The following GATB variants were observed in gnomAD, a reference collection of about 807,000 sequenced individuals.
The protein encoded by GATB is glutamyl-tRNA(Gln) amidotransferase subunit B, mitochondrial.
Under a neutral mutation model 62.3 loss-of-function variants are expected in GATB, and 39 were observed. The observed-to-expected ratio is 0.63, with a 90% CI of 0.48 to 0.82. GATB has a LOEUF of 0.82. Among genes scored for constraint, GATB ranks in the 40% least tolerant of loss-of-function variants. GATB has a pLI of 0.00. For synonymous variants in GATB, 276 were observed against 258.9 expected (o/e 1.07, Z -0.63); for missense variants, 670 against 684.0 (o/e 0.98, Z 0.23).
rs1739398135 is a variant in GATB, at chr4:151,737,427, G to A, written c.328-17889C>T. ...AAAGCATTCAAGAGGTGACTTGGGT[G>A]CTGTTAAAGGCACTCCGTTTTATAA... On this transcript the variant is annotated intron_variant, in intron 2 of 12. Coordinates refer to ENST00000263985, the MANE Select transcript of GATB (RefSeq NM_004564.3). Among the ~76,000 whole-genome samples, 3 of 152,226 alleles carry A rather than the reference G, an allele frequency of 2.0e-5. No homozygotes were observed. The South Asian group carries it at 6.2e-4, about 31-fold the overall frequency.
At chr4:151,726,976 G>GC (rs1739149947) in intron 2 of GATB, among the ~76,000 whole-genome samples, 1 of 152,082 alleles carries the variant, frequency 6.6e-6, no homozygotes, top group Non-Finnish European at 1.5e-5. Flanking sequence ...GAGTGCAGTG[G>GC]CCCGATCACA....
chr4:151,750,978 A>G (rs1453894017), intron 2 of GATB, among the ~76,000 whole-genome samples: 5 of 152,086 alleles, frequency 3.3e-5, no homozygotes, highest in Non-Finnish European at 7.4e-5. Flanking sequence ...CCCACTCCCT[A>G]AAAGCCCTGC....
At chr4:151,733,576 C>T (rs1410221224) in intron 2 of GATB, among the ~76,000 whole-genome samples, 1 of 152,136 alleles carries the variant, frequency 6.6e-6, no homozygotes, top group Non-Finnish European at 1.5e-5. Flanking sequence ...CACTATTCCA[C>T]AAGATAAAGA....
intron 10 of GATB, among the ~76,000 whole-genome samples, chr4:151,685,983 G>A (rs994391091): frequency 5.3e-5 from 8 of 152,192 alleles, no homozygotes; most frequent in African/African-American, 1.7e-4. Flanking sequence ...AAACTGGGAG[G>A]TGGAGGTTGC....
rs182473055 is a variant in GATB, at chr4:151,712,017, G to C, written c.764-3916C>G. On this transcript the variant is annotated intron_variant, in intron 5 of 12. Coordinates refer to ENST00000263985, the MANE Select transcript of GATB (RefSeq NM_004564.3). Reference sequence around the variant, plus strand: ...CCATCGAACCAAATTGCAATACTTGGGAGACAACTTTTTTTGAACTCAGGG... The same window carrying C: ...CCATCGAACCAAATTGCAATACTTGCGAGACAACTTTTTTTGAACTCAGGG... Among the ~76,000 whole-genome samples, 5 of 152,244 alleles carry C rather than the reference G, an allele frequency of 3.3e-5. No individual in the cohort carries two copies. In the East Asian group the frequency reaches 9.6e-4, roughly 29 times the overall value.
At chr4:151,708,355 T>C (rs1738756002) in intron 5 of GATB, among the ~76,000 whole-genome samples, 1 of 152,242 alleles carries the variant, frequency 6.6e-6, no homozygotes, top group Non-Finnish European at 1.5e-5. Context: ...TGTGTGCTTA[T>C]GCACATATGG....
chr4:151,739,641 T>C (rs1248438007), intron 2 of GATB, among the ~76,000 whole-genome samples: 1 of 152,162 alleles, frequency 6.6e-6, no homozygotes, highest in African/African-American at 2.4e-5. Flanking sequence ...GCTTCTCACA[T>C]CTATGCCCAG....
chr4:151,675,586 C>A (rs1157026281), intron 11 of GATB: 1 of 152,202 alleles, frequency 6.6e-6, no homozygotes, highest in Non-Finnish European at 1.5e-5. Context: ...GCTGCCGAGC[C>A]CTGTGCTGCA....
At chr4:151,674,537 C>T (rs775909645) in intron 11 of GATB, 2 of 152,204 alleles carry the variant, frequency 1.3e-5, no homozygotes, top group Non-Finnish European at 2.9e-5. Flanking sequence ...TTCCCATTTT[C>T]TCAAGAAAAC....
chr4:151,716,886 C>A lies in GATB; in HGVS notation c.630G>T (p.Leu210Phe). The A allele has an allele frequency of 6.2e-7, 1 of 1,614,156 alleles. No homozygotes were observed. The highest frequency in any genetic ancestry group is 1.1e-5 in the South Asian group (1 of 91,058). The change falls in exon 4 of 13, where the codon TTG (leucine) becomes TTT (phenylalanine). Residue 210 changes from leucine to phenylalanine, a missense_variant. Coordinates refer to ENST00000263985, the MANE Select transcript of GATB (RefSeq NM_004564.3). The part of the protein sequence containing the change: ...DNLRSQTLID[L>F]NRAGVGLLEV... ...ACACTCCAAGCCTACCTGCCCTGTT[C>A]AAATCAATGAGCGTCTGAGACCTCA...
chr4:151,742,281 C>A (rs1052335730), intron 2 of GATB, among the ~76,000 whole-genome samples: 28 of 151,732 alleles, frequency 1.8e-4, no homozygotes, highest in African/African-American at 6.1e-4. Context: ...GTAGAGACGG[C>A]ATTTCACCGT....
intron 9 of GATB, among the ~76,000 whole-genome samples, chr4:151,697,967 A>ATATATATATATATATATATATATGTG (rs1738517473): frequency 7.9e-5 from 8 of 101,812 alleles, no homozygotes; most frequent in African/African-American, 1.6e-4. Flanking sequence ...ATATATATAT[A>ATATATATATATATATATATATATGTG]TATATATATA....
intron 2 of GATB, among the ~76,000 whole-genome samples, chr4:151,755,804 T>C (rs1739815119): frequency 6.6e-6 from 1 of 152,200 alleles, no homozygotes; most frequent in South Asian, 2.1e-4. Context: ...ATATTTTCCC[T>C]TGTTGGTTTA....
chr4:151,721,893 G>T, intron 2 of GATB: 1 of 396,634 alleles, frequency 2.5e-6, no homozygotes, highest in Non-Finnish European at 4.5e-6. Flanking sequence ...AAGCGCACGG[G>T]CACTTCATAA....
At chr4:151,686,474 A>G (rs1214213722) in intron 10 of GATB, among the ~76,000 whole-genome samples, 1 of 151,982 alleles carries the variant, frequency 6.6e-6, no homozygotes, top group Non-Finnish European at 1.5e-5. Context: ...TGCTGAGACA[A>G]TGACACACCC....
In GATB at chr4:151,671,271, G is replaced by A. The variant is rs751458837; in HGVS notation, c.1577C>T (p.Ala526Val). ...VMDVKNRNPR[A>V]INKLIGLVRK... ...GACCAACCCAATCAGTTTATTTATAGCTCTGGGGTTTCTGTTCTTCACATC... is the reference window on the plus strand; with the variant it reads ...GACCAACCCAATCAGTTTATTTATAACTCTGGGGTTTCTGTTCTTCACATC... Residue 526 changes from alanine (A) to valine (V), a missense_variant, in exon 13 of 13, where the codon GCT becomes GTT. Transcript: ENST00000263985. 6.2e-7 allele frequency: 1 copy of A among 1,613,680 alleles called. No homozygotes were observed. The highest frequency in any genetic ancestry group is 8.5e-7 in the Non-Finnish European group (1 of 1,179,794).
At chr4:151,680,942 T>C (rs1418993726) in intron 10 of GATB, among the ~76,000 whole-genome samples, 1 of 152,238 alleles carries the variant, frequency 6.6e-6, no homozygotes, top group African/African-American at 2.4e-5. Context: ...GCTCATGAGA[T>C]GCTGCCTATC....
chr4:151,705,387 T>C (rs1310991812), intron 6 of GATB, 118 bp from the exon 7 acceptor site: 2 of 651,616 alleles, frequency 3.1e-6, no homozygotes, highest in Admixed American at 2.7e-5. Context: ...ATCAAGAAGA[T>C]TGTTTATAAT....
At chr4:151,692,915 T>A (rs1031272686) in intron 9 of GATB, among the ~76,000 whole-genome samples, 1 of 152,230 alleles carries the variant, frequency 6.6e-6, no homozygotes, top group Non-Finnish European at 1.5e-5. Flanking sequence ...AGGCTCTACA[T>A]CTGCAGACGG....
Sources: allele counts gnomAD v4.1 joint callset (sites outside exome capture counted in the v4.1 genomes callset), GRCh38; gene constraint gnomAD v4.1.1; transcripts MANE v1.5; gene names NCBI Gene and HGNC (gene_info 2026-07-23, HGNC 2026-07-21).